The following ZNF814 variants were observed in gnomAD, a reference collection of about 807,000 sequenced individuals.
The protein encoded by ZNF814 is zinc finger protein 814.
A neutral mutation model predicts 7.5 loss-of-function variants in ZNF814; 5 were observed. The observed-to-expected ratio is 0.67, with a 90% CI of 0.35 to 1.40. The LOEUF (loss-of-function observed/expected upper bound fraction) is 1.40. Among genes scored for constraint, ZNF814 ranks in the 40% most tolerant of loss-of-function variants. The probability of loss-of-function intolerance (pLI) is 0.04; values close to 1 mark genes in which losing one functional copy is unlikely to be tolerated. For missense variants in ZNF814, 962 were observed against 1,018.0 expected (o/e 0.94, Z 0.75); for synonymous variants, 315 against 340.7 (o/e 0.92, Z 0.83).
At chr19:57,887,804 C>T (rs1456099469) in intron 1 of ZNF814, among the ~76,000 whole-genome samples, 1 of 152,198 alleles carries the variant, frequency 6.6e-6, no homozygotes. Context: ...CAAAAGATAA[C>T]ACCATAAAGC....
At chr19:57,876,524 C>T (rs2071608851) in intron 2 of ZNF814, 2 of 294,546 alleles carry the variant, frequency 6.8e-6, no homozygotes, top group African/African-American at 2.2e-5. Context: ...GCAAGAACAG[C>T]CTCTGGTCTA....
chr19:57,879,513 C>T (rs144438761), intron 1 of ZNF814, among the ~76,000 whole-genome samples: 2,169 of 121,796 alleles, frequency 0.018, 11 homozygotes, highest in African/African-American at 0.037. Context: ...CAGCCTCCAA[C>T]CAGTCCTTTC....
chr19:57,900,839 ATTTTTT>A, the ZNF814 span, among the ~76,000 whole-genome samples: 103 of 45,770 alleles, frequency 2.3e-3, 4 homozygotes, highest in Non-Finnish European at 2.9e-3. Flanking sequence ...CCATGGCTGC[ATTTTTT>A]TTTTTTTTTT....
Position 57,872,632 on chromosome 19 carries a change from G to T in ZNF814, c.*190C>A, listed in dbSNP as rs977068377. 3.5e-6 allele frequency: 5 copies of T among 1,437,396 alleles called. No homozygotes were observed. The highest frequency in any genetic ancestry group is 4.8e-6 in the Non-Finnish European group (5 of 1,042,738). 89.0% of individuals were successfully genotyped at this position (1,437,396 alleles called of 1,614,324 possible). ...AATGAGACTGAAAGTTTCAGCAAAG[G>T]ATTTCCCACATTCACTGCACTCATA... On this transcript the variant is annotated 3_prime_UTR_variant, in exon 3 of 3. Transcript: ENST00000435989.
chr19:57,904,681 A>G, the ZNF814 span, among the ~76,000 whole-genome samples: 6 of 152,168 alleles, frequency 3.9e-5, no homozygotes, highest in Non-Finnish European at 5.9e-5. Flanking sequence ...TCCAAGCTCC[A>G]TCACTTCCTA....
chr19:57,885,389 G>A (rs764524797), intron 1 of ZNF814, among the ~76,000 whole-genome samples: 5 of 151,026 alleles, frequency 3.3e-5, no homozygotes, highest in East Asian at 1.9e-4. Flanking sequence ...TCAGCACTTC[G>A]GGAGGCTGAG....
intron 1 of ZNF814, among the ~76,000 whole-genome samples, chr19:57,887,704 G>A (rs537343557): frequency 6.6e-6 from 1 of 152,228 alleles, no homozygotes; most frequent in South Asian, 2.1e-4. Context: ...GAGTTAACTT[G>A]TGTAAGCAGA....
At chr19:57,894,402 GAAAGA>G in the ZNF814 span, among the ~76,000 whole-genome samples, 2 of 151,146 alleles carry the variant, frequency 1.3e-5, no homozygotes, top group Non-Finnish European at 2.9e-5. Context: ...CCAAATCAAA[GAAAGA>G]AAAGAAGTGG....
the ZNF814 span, among the ~76,000 whole-genome samples, chr19:57,895,256 T>C: frequency 2.2e-4 from 34 of 151,726 alleles, no homozygotes; most frequent in African/African-American, 8.2e-4. Context: ...TCAAGCCTCC[T>C]TGCCTTTTCT....
In ZNF814 at chr19:57,874,302, T is replaced by C. The variant is rs1447669109; in HGVS notation, c.1088A>G (p.Lys363Arg). The C allele has an allele frequency of 6.2e-7, 1 of 1,605,286 alleles. No individual in the cohort carries two copies. Among genetic ancestry groups the C allele is most frequent in the East Asian group, 2.3e-5 (1 of 44,384 alleles). ...CTGATGATTACTGAAGCTAACATAT[T>C]TGCTAAAGGATTTCCCACATTCTCC... ...ECGECGKSFS[K>R]YVSFSNHQRV... is the part of the protein sequence containing the mutation. Residue 363 changes from lysine to arginine, a missense_variant, in exon 3 of 3, where the codon AAA (lysine) becomes AGA (arginine). Coordinates refer to ENST00000435989, the MANE Select transcript of ZNF814 (RefSeq NM_001144989.2).
chr19:57,877,202 T>A (rs761114295), intron 1 of ZNF814, among the ~76,000 whole-genome samples, 160 bp from the exon 2 acceptor site: 1 of 152,096 alleles, frequency 6.6e-6, no homozygotes, highest in African/African-American at 2.4e-5. Flanking sequence ...CCAACAATAG[T>A]TGAACAAATA....
the ZNF814 span, among the ~76,000 whole-genome samples, chr19:57,900,838 C>CTTTTTTTTTTTTTTTTTTTTTTTT: frequency 1.8e-5 from 1 of 56,430 alleles, no homozygotes; most frequent in Non-Finnish European, 3.7e-5. Flanking sequence ...GCCATGGCTG[C>CTTTTTTTTTTTTTTTTTTTTTTTT]ATTTTTTTTT....
At chr19:57,886,498 A>G (rs1463746828) in intron 1 of ZNF814, among the ~76,000 whole-genome samples, 2 of 152,134 alleles carry the variant, frequency 1.3e-5, no homozygotes, top group Non-Finnish European at 2.9e-5. Flanking sequence ...AGCACACTTG[A>G]CATAACTAAC....
Position 57,872,661 on chromosome 19 carries a change from T to C in ZNF814, c.*161A>G. 1 of 1,514,742 alleles carries C rather than the reference T, an allele frequency of 6.6e-7. No homozygotes were observed. The highest frequency in any genetic ancestry group is 9.0e-7 in the Non-Finnish European group (1 of 1,109,332). The allele number at this position is 1,514,742 out of a possible 1,614,324, so 93.8% of individuals were successfully genotyped here. On this transcript the variant is annotated 3_prime_UTR_variant, in exon 3 of 3. Transcript: ENST00000435989. ...TCCCACATTCACTGCACTCATAAGG[T>C]GGTGTGACCAGTGTGAACTCTCTTA...
intron 1 of ZNF814, among the ~76,000 whole-genome samples, chr19:57,877,787 T>C (rs1249349663): frequency 3.3e-5 from 5 of 152,094 alleles, no homozygotes; most frequent in East Asian, 1.9e-4. Flanking sequence ...CTAGTGTGGG[T>C]TGATATCTAC....
At chr19:57,876,295 A>G (rs1027475110) in intron 2 of ZNF814, among the ~76,000 whole-genome samples, 13 of 151,908 alleles carry the variant, frequency 8.6e-5, no homozygotes, top group Non-Finnish European at 1.8e-4. Flanking sequence ...TTCTGAGCCT[A>G]TTATGCTGAG....
At chr19:57,904,666 A>C in the ZNF814 span, among the ~76,000 whole-genome samples, 1 of 152,224 alleles carries the variant, frequency 6.6e-6, no homozygotes, top group Non-Finnish European at 1.5e-5. Flanking sequence ...GTAATCTCGT[A>C]ACTTTCCAAG....
At position 57,872,992 on chromosome 19, in the gene ZNF814, A is replaced by C; in HGVS notation, c.2398T>G (p.Tyr800Asp). ...HKRVHTGEKP[Y>D]ECSECGKSFA... The stretch of plus-strand genomic sequence containing the variant: ...GATTTTCCACATTCACTGCACTCAT[A>C]AGGCTTTTCTCCAGTGTGAACTCTT... The change falls in exon 3 of 3, where the codon TAT becomes GAT. Residue 800 changes from tyrosine (Y) to aspartate (D), a missense_variant. Physicochemically the swap from Tyr to Asp is radical, Grantham distance 160. Coordinates refer to ENST00000435989, the MANE Select transcript of ZNF814 (RefSeq NM_001144989.2). The C allele has an allele frequency of 6.2e-7, 1 of 1,614,030 alleles. No individual in the cohort carries two copies. Among genetic ancestry groups the C allele is most frequent in the Non-Finnish European group, 8.5e-7 (1 of 1,179,924 alleles).
chr19:57,882,987 T>C (rs1454046767), intron 1 of ZNF814, among the ~76,000 whole-genome samples: 3 of 152,166 alleles, frequency 2.0e-5, no homozygotes, highest in African/African-American at 7.2e-5. Flanking sequence ...GATAGCTATT[T>C]TGAGGAATTT....
Sources: gnomAD v4.1 joint callset for allele counts (sites outside exome capture counted in the v4.1 genomes callset) on GRCh38, gnomAD v4.1.1 for gene constraint, MANE v1.5 for transcripts, NCBI Gene and HGNC (gene_info 2026-07-23, HGNC 2026-07-21) for gene names.